The following ZBTB41 variants were observed in gnomAD, a reference collection of about 807,000 sequenced individuals.
The protein encoded by ZBTB41 is zinc finger and BTB domain-containing protein 41.
In ZBTB41, 42 loss-of-function variants were observed where a neutral mutation model predicts 87.6. The ratio of observed to expected loss-of-function variants is 0.48; its 90% confidence interval spans 0.37 to 0.62. ZBTB41 has a LOEUF of 0.62. Among genes scored for constraint, ZBTB41 ranks in the 20% least tolerant of loss-of-function variants. The pLI, the probability that ZBTB41 is intolerant of heterozygous loss-of-function variation, is 0.00. For missense variants in ZBTB41, 799 were observed against 1,078.9 expected, an observed-to-expected ratio of 0.74 and a Z score of 3.63; for synonymous variants, 364 against 364.0, an observed-to-expected ratio of 1.00 and a Z score of 0.00.
intron 2 of ZBTB41, among the ~76,000 whole-genome samples, chr1:197,195,363 C>A (rs1660138195): frequency 6.6e-6 from 1 of 152,046 alleles, no homozygotes; most frequent in African/African-American, 2.4e-5. Context: ...CCACATGGGT[C>A]ATATAAAATT....
At position 197,159,670 on chromosome 1, in the gene ZBTB41, A is replaced by G. The variant is rs1659153146; in HGVS notation, c.2419T>C (p.Cys807Arg). 2 of 1,614,056 alleles carry G rather than the reference A, an allele frequency of 1.2e-6. No individual in the cohort carries two copies. Among genetic ancestry groups the G allele is most frequent in the Non-Finnish European group, 1.7e-6 (2 of 1,179,930 alleles). ...TMLQNVSAEV[C>R]VPVTLVPVQM... Reference sequence around the variant, plus strand: ...ACTGGAACCAGAGTTACTGGAACACATACTTCAGCAGATACATTCTGTAAC... The same window carrying G: ...ACTGGAACCAGAGTTACTGGAACACGTACTTCAGCAGATACATTCTGTAAC... Residue 807 changes from cysteine (C) to arginine (R), a missense_variant, in exon 11 of 11, where the codon TGT (cysteine) becomes CGT (arginine). Cys to Arg is a radical substitution (Grantham distance 180, BLOSUM62 -3). Transcript: ENST00000367405.
At chr1:197,181,819 A>C (rs1659755751) in intron 5 of ZBTB41, among the ~76,000 whole-genome samples, 1 of 152,188 alleles carries the variant, frequency 6.6e-6, no homozygotes, top group East Asian at 1.9e-4. Context: ...ACTATAAGCA[A>C]AATTGCTTGG....
rs547918085 is a variant in ZBTB41 at position 197,188,377 on chromosome 1, T to C, written c.1461A>G (p.Gln487=). ...HLEEHMILHS[Q]DKPFKCTYCE... ...AATAGGTACACTTAAAAGGTTTATC[T>C]TGAGAATGTAGAATCATATGTTCCT... is the stretch of plus-strand genomic sequence containing the variant. The change falls in exon 5 of 11, where the codon CAA becomes CAG. Residue 487 remains glutamine (Q), a synonymous_variant. Transcript: ENST00000367405. 13 of 1,613,808 alleles carry C rather than the reference T, an allele frequency of 8.1e-6. No individual in the cohort carries two copies. Among genetic ancestry groups the C allele is most frequent in the Admixed American group, 6.7e-5 (4 of 59,984 alleles).
chr1:197,182,613 C>T (rs1659777513), intron 5 of ZBTB41, among the ~76,000 whole-genome samples: 1 of 152,048 alleles, frequency 6.6e-6, no homozygotes. Flanking sequence ...AACTTTTGCA[C>T]ATATATATTC....
At chr1:197,184,178 G>GAACA (rs1177305220) in intron 5 of ZBTB41, among the ~76,000 whole-genome samples, 3 of 152,162 alleles carry the variant, frequency 2.0e-5, no homozygotes, top group Admixed American at 6.5e-5. Context: ...ACAGAATCAT[G>GAACA]AACATGTCAA....
At chr1:197,195,186 A>T (rs1307379060) in intron 2 of ZBTB41, among the ~76,000 whole-genome samples, 1 of 152,244 alleles carries the variant, frequency 6.6e-6, no homozygotes, top group Non-Finnish European at 1.5e-5. Context: ...ACTACACCCA[A>T]GCATTCCTGA....
intron 10 of ZBTB41, among the ~76,000 whole-genome samples, chr1:197,160,612 CCT>C (rs1195388936): frequency 1.3e-5 from 2 of 152,062 alleles, no homozygotes; most frequent in Non-Finnish European, 2.9e-5. Context: ...TTTAGATCCC[CCT>C]GAGTCAGGTT....
intron 3 of ZBTB41, among the ~76,000 whole-genome samples, chr1:197,191,053 T>A (rs1267911628): frequency 1.3e-5 from 2 of 152,172 alleles, no homozygotes; most frequent in Non-Finnish European, 2.9e-5. Context: ...ATACCTGATT[T>A]TTTTTAGTCC....
Position 197,200,598 on chromosome 1 carries a change from AGAGT to A in ZBTB41, c.-117-12_-117-9del, listed in dbSNP as rs1397005819. ...GCCCAAGGGTTTCATGGTCTGCAAA[AGAGT>A]GAGAACCACGTAAAATAACTCCATG... On this transcript the variant is annotated splice_polypyrimidine_tract_variant and intron_variant, in intron 1 of 10. Transcript: ENST00000367405. 8.0e-6 allele frequency: 7 copies of A among 876,356 alleles called. No individual in the cohort carries two copies. In the African/African-American group the frequency reaches 8.4e-5, roughly 11 times the overall value. The allele number at this position is 876,356 out of a possible 1,614,324, so 54.3% of individuals were successfully genotyped here. A position where few individuals can be genotyped will look rare whatever the true frequency, so the allele number is the denominator to read the frequency against.
At chr1:197,192,950 A>G (rs1163422936) in intron 2 of ZBTB41, among the ~76,000 whole-genome samples, 1 of 152,164 alleles carries the variant, frequency 6.6e-6, no homozygotes, top group Non-Finnish European at 1.5e-5. Flanking sequence ...TAATAAAAAA[A>G]CTGAGGAAAG....
chr1:197,175,775 G>C (rs570632666), intron 8 of ZBTB41, among the ~76,000 whole-genome samples: 1 of 151,668 alleles, frequency 6.6e-6, no homozygotes, highest in African/African-American at 2.4e-5. Flanking sequence ...AAAATAAAAA[G>C]GCATAATTCC....
At chr1:197,183,583 T>C (rs1389282567) in intron 5 of ZBTB41, among the ~76,000 whole-genome samples, 1 of 152,192 alleles carries the variant, frequency 6.6e-6, no homozygotes, top group Non-Finnish European at 1.5e-5. Context: ...AGTAGTAAAA[T>C]GTAATGATTT....
Position 197,178,443 on chromosome 1 carries a change from T to C in ZBTB41, c.1746A>G (p.Gln582=). 4 of 1,608,142 alleles carry C rather than the reference T, an allele frequency of 2.5e-6. No homozygotes were observed. The highest frequency in any genetic ancestry group is 1.7e-5 in the Admixed American group (1 of 59,270). ...EKPHLCSICG[Q]SFRHGSSYRL... Reference sequence around the variant, plus strand: ...TATACGAACTTCCATGACGAAAACTTTGCCCACAAATACTACAAAGGTGAG... The same window carrying C: ...TATACGAACTTCCATGACGAAAACTCTGCCCACAAATACTACAAAGGTGAG... The change falls in exon 7 of 11, where the codon CAA becomes CAG. Residue 582 remains glutamine, a synonymous_variant. Transcript: ENST00000367405.
chr1:197,199,414 G>T lies in ZBTB41; in HGVS notation c.1060C>A (p.Gln354Lys). The T allele has an allele frequency of 1.2e-6, 2 of 1,600,238 alleles. No homozygotes were observed. Among genetic ancestry groups the T allele is most frequent in the South Asian group, 1.1e-5 (1 of 88,020 alleles). The change falls in exon 2 of 11, where the codon CAG becomes AAG. Residue 354 changes from glutamine to lysine, a missense_variant. Gln to Lys is a moderately conservative substitution (Grantham distance 53). Around this residue, in one of 5 missense-constraint regions of ZBTB41, gnomAD observed 294 missense variants for 340.1 expected, o/e 0.86. Transcript: ENST00000367405. ...VHEGLTPVVI[Q>K]NSNKKILQCP... is the part of the protein sequence containing the mutation. ...TGCAATATTTTTTTGTTGCTGTTCT[G>T]AATGACCACTGGAGTTAACCCCTCA...
intron 5 of ZBTB41, among the ~76,000 whole-genome samples, chr1:197,187,802 T>C (rs2125136400): frequency 6.6e-6 from 1 of 152,214 alleles, no homozygotes; most frequent in African/African-American, 2.4e-5. Context: ...CATCAAATAG[T>C]AGATGAGGTA....
intron 5 of ZBTB41, among the ~76,000 whole-genome samples, chr1:197,185,036 ACTC>A (rs1659848111): frequency 6.6e-6 from 1 of 151,604 alleles, no homozygotes; most frequent in Non-Finnish European, 1.5e-5. Flanking sequence ...CTAGTCTCGA[ACTC>A]CTGACCTCAG....
chr1:197,179,807 T>TA (rs1333875374), intron 6 of ZBTB41, among the ~76,000 whole-genome samples: 1 of 151,978 alleles, frequency 6.6e-6, no homozygotes, highest in Admixed American at 6.6e-5. Context: ...TTATAGAAAA[T>TA]AAAATATCTT....
intron 10 of ZBTB41, among the ~76,000 whole-genome samples, chr1:197,161,783 A>C (rs1433284277): frequency 2.0e-5 from 3 of 152,002 alleles, no homozygotes; most frequent in African/African-American, 7.2e-5. Flanking sequence ...AAATGCAAGA[A>C]CTCTTAAGTG....
At chr1:197,179,144 G>A (rs990465329) in intron 6 of ZBTB41, among the ~76,000 whole-genome samples, 6 of 152,128 alleles carry the variant, frequency 3.9e-5, no homozygotes. Context: ...GAGTAATAAT[G>A]AACAAAGTTA....
Sources: gnomAD v4.1 joint callset for allele counts (sites outside exome capture counted in the v4.1 genomes callset) on GRCh38, gnomAD v4.1.1 for gene constraint, gnomAD v4.1.1 regional missense constraint, MANE v1.5 for transcripts, NCBI Gene and HGNC (gene_info 2026-07-23, HGNC 2026-07-21) for gene names.